Variants in PRKAR1A observed in about 807,000 individuals in gnomAD.
PRKAR1A encodes the protein protein kinase cAMP-dependent type I regulatory subunit alpha.
PRKAR1A carries 3 observed loss-of-function variants against 52.0 expected under a neutral mutation model. The observed-to-expected ratio is 0.06, with a 90% confidence interval of 0.03 to 0.15. The LOEUF (loss-of-function observed/expected upper bound fraction) is 0.15. Ranked by LOEUF, PRKAR1A falls within the 10% of genes least tolerant of loss-of-function variation. The probability of loss-of-function intolerance (pLI) is 1.00; values close to 1 mark genes in which losing one functional copy is unlikely to be tolerated. For missense variants in PRKAR1A, 240 were observed against 477.4 expected, an observed-to-expected ratio of 0.50 and a Z score of 4.63; for synonymous variants, 188 against 168.4, an observed-to-expected ratio of 1.12 and a Z score of -0.90.
At chr17:68,454,252 C>T in the PRKAR1A span, among the ~76,000 whole-genome samples, 2 of 152,130 alleles carry the variant, frequency 1.3e-5, no homozygotes, top group East Asian at 1.9e-4. Flanking sequence ...GAATCTGACC[C>T]GGAGCACACT....
chr17:68,540,804 A>G, intron 11 of PRKAR1A: 4 of 1,560,454 alleles, frequency 2.6e-6, no homozygotes, highest in Admixed American at 1.9e-5. Context: ...CCCTAGCCAC[A>G]TAGCAGAGCC....
At chr17:68,474,289 G>A in the PRKAR1A span, among the ~76,000 whole-genome samples, 2 of 152,164 alleles carry the variant, frequency 1.3e-5, no homozygotes, top group Non-Finnish European at 2.9e-5. Flanking sequence ...TTTTGGAAAG[G>A]TAGGGAGTCA....
rs1456043929 is a variant in PRKAR1A, at chr17:68,523,720, T to C, written c.349-5T>C. On this transcript the variant is annotated splice_polypyrimidine_tract_variant and splice_region_variant and intron_variant, in intron 3 of 10. Transcript: ENST00000589228. ...ATTGTCATTTGACCTTCAGTTCTTT[T>C]CTAGGTTATACCAAAAGATTACAAG... The C allele has an allele frequency of 6.2e-7, 1 of 1,611,082 alleles. No individual in the cohort carries two copies. The highest frequency in any genetic ancestry group is 8.5e-7 in the Non-Finnish European group (1 of 1,177,984).
rs753994371 is a variant in PRKAR1A at position 68,530,576 on chromosome 17, A to G, written c.*127A>G. ...ATCGCAGCTTCCTGTCTGTTTATAT[A>G]TTGAAAGTTGCTTTTATTGCACCAT... On this transcript the variant is annotated 3_prime_UTR_variant, in exon 11 of 11. Coordinates refer to ENST00000589228, the MANE Select transcript of PRKAR1A (RefSeq NM_002734.5). The G allele has an allele frequency of 3.2e-5, 50 of 1,569,624 alleles. No homozygotes were observed. The highest frequency in any genetic ancestry group is 4.3e-5 in the Non-Finnish European group (50 of 1,158,858).
At chr17:68,526,037 G>A in intron 7 of PRKAR1A, 125 bp downstream of exon 7, 1 of 1,236,478 alleles carries the variant, frequency 8.1e-7, no homozygotes, top group Non-Finnish European at 1.1e-6. Flanking sequence ...CTTTTAATAA[G>A]CGAATATTTT....
chr17:68,503,345 T>G, the PRKAR1A span, among the ~76,000 whole-genome samples: 1 of 152,334 alleles, frequency 6.6e-6, no homozygotes, highest in Non-Finnish European at 1.5e-5. Flanking sequence ...TTTTGCCATG[T>G]GATCCAGAAA....
At chr17:68,509,914 C>T (rs1385870491), upstream of PRKAR1A, among the ~76,000 whole-genome samples, 3 of 152,238 alleles carry the variant, frequency 2.0e-5, no homozygotes, top group East Asian at 5.8e-4. Context: ...GGACACACAG[C>T]CAGGACTCAG....
the PRKAR1A span, chr17:68,426,254 G>GGGGGCCCCCCCCC: frequency 2.4e-6 from 2 of 816,922 alleles, no homozygotes. Context: ...GGGAGCGGGG[G>GGGGGCCCCCCCCC]CTCAAATAAA....
In PRKAR1A at chr17:68,533,357, G is replaced by T. The variant is rs2086028220; in HGVS notation, c.*2908G>T. ...GCTTTGAACATGTGTACCTTTTCTA[G>T]ATTCAGTAATCCCTTCCCCCCGTCC... On this transcript the variant is annotated 3_prime_UTR_variant, in exon 11 of 11. Transcript: ENST00000589228. 9.4e-7 allele frequency: 1 copy of T among 1,062,338 alleles called. No homozygotes were observed. The highest frequency in any genetic ancestry group is 1.6e-5 in the African/African-American group (1 of 60,920). 65.8% of individuals were successfully genotyped at this position (1,062,338 alleles called of 1,614,324 possible).
the PRKAR1A span, chr17:68,457,209 C>A: frequency 9.5e-7 from 1 of 1,050,152 alleles, no homozygotes; most frequent in South Asian, 1.5e-5. Flanking sequence ...GATCCCAATG[C>A]GTCCGAAGCA....
chr17:68,496,285 A>G, the PRKAR1A span, among the ~76,000 whole-genome samples: 2 of 150,726 alleles, frequency 1.3e-5, no homozygotes, highest in Non-Finnish European at 3.0e-5. Flanking sequence ...CAAATGATCC[A>G]CCTCCCTTGG....
intron 8 of PRKAR1A, among the ~76,000 whole-genome samples, chr17:68,528,107 G>T (rs958611587): frequency 2.0e-5 from 3 of 152,194 alleles, no homozygotes; most frequent in Non-Finnish European, 2.9e-5. Flanking sequence ...TGAGTTGATT[G>T]GTTCAGAAAA....
At chr17:68,520,733 A>C (rs1350565232) in intron 2 of PRKAR1A, among the ~76,000 whole-genome samples, 1 of 152,200 alleles carries the variant, frequency 6.6e-6, no homozygotes, top group Non-Finnish European at 1.5e-5. Flanking sequence ...TAAAAGACTC[A>C]CTAGAATCCA....
At chr17:68,420,382 C>T in the PRKAR1A span, 98 of 1,614,206 alleles carry the variant, frequency 6.1e-5, 1 homozygote, top group East Asian at 2.1e-3. Flanking sequence ...ACAACATCTC[C>T]AGCGCAGATT....
the PRKAR1A span, chr17:68,444,410 G>C: frequency 7.6e-6 from 10 of 1,314,628 alleles, no homozygotes; most frequent in Non-Finnish European, 8.6e-6. Context: ...CTTCACGTTC[G>C]CAATTTGGAG....
chr17:68,487,774 T>A, the PRKAR1A span, among the ~76,000 whole-genome samples: 4 of 147,160 alleles, frequency 2.7e-5, no homozygotes, highest in African/African-American at 7.6e-5. Flanking sequence ...CACTCCAGCC[T>A]GGGCGACAGA....
the PRKAR1A span, among the ~76,000 whole-genome samples, chr17:68,448,700 A>T: frequency 6.6e-6 from 1 of 152,052 alleles, no homozygotes; most frequent in African/African-American, 2.4e-5. Flanking sequence ...AAACAATCTT[A>T]AAAAGATCAT....
Position 68,530,934 on chromosome 17 carries a change from A to G in PRKAR1A, c.*485A>G, listed in dbSNP as rs1351567800. On this transcript the variant is annotated 3_prime_UTR_variant, in exon 11 of 11. Transcript: ENST00000589228. ...GAAAATGGATATAGAAAATCTTAGTATAGTAGAAAGACATCTGCCTGTAAT... is the reference window on the plus strand; with the variant it reads ...GAAAATGGATATAGAAAATCTTAGTGTAGTAGAAAGACATCTGCCTGTAAT... The G allele has an allele frequency of 1.1e-5, 12 of 1,104,358 alleles. No individual in the cohort carries two copies. Among genetic ancestry groups the G allele is most frequent in the Middle Eastern group, 3.9e-4 (1 of 2,546 alleles). 68.4% of individuals were successfully genotyped at this position (1,104,358 alleles called of 1,614,324 possible). A position where few individuals can be genotyped will look rare whatever the true frequency, so the allele number is the denominator to read the frequency against.
the PRKAR1A span, among the ~76,000 whole-genome samples, chr17:68,432,246 G>T: frequency 6.6e-6 from 1 of 152,080 alleles, no homozygotes; most frequent in East Asian, 1.9e-4. Flanking sequence ...AGAGATGAGG[G>T]GACGTCAGTC....
Sources: allele counts gnomAD v4.1 joint callset (sites outside exome capture counted in the v4.1 genomes callset), GRCh38; gene constraint gnomAD v4.1.1; transcripts MANE v1.5; gene names NCBI Gene and HGNC (gene_info 2026-07-23, HGNC 2026-07-21).